STAT4: variants seen among roughly 807,000 people sequenced by gnomAD.
STAT4 encodes the protein signal transducer and activator of transcription 4.
In STAT4, 42 loss-of-function variants were observed where a neutral mutation model predicts 110.5. That is an observed-to-expected ratio of 0.38 (90% CI 0.30 to 0.49). The LOEUF (loss-of-function observed/expected upper bound fraction) is 0.49. Among genes scored for constraint, STAT4 ranks in the 20% least tolerant of loss-of-function variants. The pLI, the probability that STAT4 is intolerant of heterozygous loss-of-function variation, is 0.95. For missense variants in STAT4, 632 were observed against 887.9 expected (o/e 0.71, Z 3.66); for synonymous variants, 284 against 302.2 (o/e 0.94, Z 0.63).
intron 3 of STAT4, chr2:191,131,883 T>C (rs910778330): frequency 2.1e-6 from 3 of 1,448,966 alleles, no homozygotes; most frequent in Non-Finnish European, 2.7e-6. Flanking sequence ...GCAGCTGTGC[T>C]GTAGCCAACC....
In STAT4 at chr2:191,110,147, C is replaced by A. The variant is rs918617477; in HGVS notation, c.274-33822G>T. Among the ~76,000 whole-genome samples the A allele has an allele frequency of 7.2e-5, 11 of 152,142 alleles. No individual in the cohort carries two copies. Among genetic ancestry groups the A allele is most frequent in the African/African-American group, 2.7e-4 (11 of 41,420 alleles). ...ACTTGAGGAAACACTACTTCATGTC[C>A]CTATGGAAACATGACCACAAAACCA... On this transcript the variant is annotated intron_variant, in intron 3 of 23. Transcript: ENST00000392320. The surrounding 1 kb of genome is among the most constrained non-coding windows in gnomAD (Gnocchi z 4.5).
At chr2:191,036,409 T>C in intron 16 of STAT4, 110 bp from the exon 17 acceptor site, 1 of 1,158,358 alleles carries the variant, frequency 8.6e-7, no homozygotes, top group Admixed American at 2.3e-5. Flanking sequence ...ATACTAGGAG[T>C]GTTGGGTGAC....
At chr2:191,131,062 C>T (rs892361980) in intron 3 of STAT4, among the ~76,000 whole-genome samples, 1 of 151,560 alleles carries the variant, frequency 6.6e-6, no homozygotes, top group Non-Finnish European at 1.5e-5. Flanking sequence ...TGATCCATGA[C>T]CATAACAAGT....
At position 191,146,894 on chromosome 2, in the gene STAT4, C is replaced by T. The variant is rs920115658; in HGVS notation, c.129-137G>A. On this transcript the variant is annotated intron_variant, in intron 2 of 23. Transcript: ENST00000392320. The surrounding 1 kb of genome is among the most constrained non-coding windows in gnomAD (Gnocchi z 4.5). ...AAGTTTTAAAAAATTAAATTGTTAA[C>T]ATGAAGAGATGCTCAACATCACTAA... 10 of 806,554 alleles carry T rather than the reference C, an allele frequency of 1.2e-5. No individual in the cohort carries two copies. The African/African-American group carries it at 1.6e-4, about 13-fold the overall frequency. The allele number at this position is 806,554 out of a possible 1,614,324, so 50.0% of individuals were successfully genotyped here. A position where few individuals can be genotyped will look rare whatever the true frequency, so the allele number is the denominator to read the frequency against.
chr2:191,038,630 A>G (rs16833208), intron 16 of STAT4, among the ~76,000 whole-genome samples: 2,230 of 152,252 alleles, frequency 0.015, 34 homozygotes, highest in Middle Eastern at 0.034. Context: ...TATAAGAAGA[A>G]CACCTATTCA....
rs745750008 is a variant in STAT4 at position 191,031,563 on chromosome 2, A to G, written c.2045-47T>C. On this transcript the variant is annotated intron_variant, in intron 21 of 23. Coordinates refer to ENST00000392320, the MANE Select transcript of STAT4 (RefSeq NM_003151.4). The surrounding 1 kb of genome is among the most constrained non-coding windows in gnomAD (Gnocchi z 4.8). ...TGTTGGGGAAAAAAATGTCAATATT[A>G]TCAATAAAACTGGGGAAAAAAGAGT... The G allele has an allele frequency of 2.0e-6, 3 of 1,522,862 alleles. No individual in the cohort carries two copies. The highest frequency in any genetic ancestry group is 2.7e-6 in the Non-Finnish European group (3 of 1,104,162). 94.3% of individuals were successfully genotyped at this position (1,522,862 alleles called of 1,614,324 possible).
chr2:191,045,387 G>C (rs1200147189), intron 14 of STAT4, among the ~76,000 whole-genome samples: 1 of 152,156 alleles, frequency 6.6e-6, no homozygotes, highest in African/African-American at 2.4e-5. Context: ...GGTGGAATTT[G>C]GGAGGAATTA....
At chr2:191,131,795 A>G in intron 3 of STAT4, 1 of 1,354,772 alleles carries the variant, frequency 7.4e-7, no homozygotes, top group South Asian at 2.0e-5. Context: ...TATCATCTGA[A>G]TGTCCCAGGT....
At chr2:191,094,123 T>C (rs933402326) in intron 3 of STAT4, among the ~76,000 whole-genome samples, 2 of 152,162 alleles carry the variant, frequency 1.3e-5, no homozygotes, top group African/African-American at 4.8e-5. Flanking sequence ...TTGGTGTGCC[T>C]GAAAGTGACA....
At chr2:191,109,836 C>T (rs192291778) in intron 3 of STAT4, among the ~76,000 whole-genome samples, 1 of 152,306 alleles carries the variant, frequency 6.6e-6, no homozygotes, top group East Asian at 1.9e-4. Flanking sequence ...CACTTCAAGT[C>T]TCCAAGGGTC....
At position 191,144,294 on chromosome 2, in the gene STAT4, T is replaced by C. The variant is rs1226242385; in HGVS notation, c.273+2319A>G. 6.6e-6 allele frequency among the ~76,000 whole-genome samples: 1 copy of C among 152,098 alleles called. No homozygotes were observed. Among genetic ancestry groups the C allele is most frequent in the Non-Finnish European group, 1.5e-5 (1 of 68,016 alleles). On this transcript the variant is annotated intron_variant, in intron 3 of 23. Transcript: ENST00000392320. This position sits in a 1 kb window ranked among gnomAD's most constrained non-coding sequence, Gnocchi z 4.7. ...GAGGATGAGAACACAGACTAAAGCA[T>C]GTGGTGAAGGTTTTCTTGTTGCACT...
rs1027380279 is a variant in STAT4, at chr2:191,043,775, GCAA to G, written c.1252-2630_1252-2628del. Among the ~76,000 whole-genome samples, 120 of 152,254 alleles carry G rather than the reference GCAA, an allele frequency of 7.9e-4. No homozygotes were observed. Among genetic ancestry groups the G allele is most frequent in the African/African-American group, 2.4e-3 (101 of 41,540 alleles). On this transcript the variant is annotated intron_variant, in intron 14 of 23. Transcript: ENST00000392320. The surrounding 1 kb of genome is among the most constrained non-coding windows in gnomAD (Gnocchi z 4.8). Reference sequence around the variant, plus strand: ...ACAGCGTTGGAATAAATGATCCACAGCAACATGAATCAACGTAGGAATGAGTCT... The same window carrying G: ...ACAGCGTTGGAATAAATGATCCACAGCATGAATCAACGTAGGAATGAGTCT...
chr2:191,050,035 C>T lies in STAT4; in HGVS notation c.1251+4455G>A, dbSNP rs368476973. Among the ~76,000 whole-genome samples, 15 of 152,258 alleles carry T rather than the reference C, an allele frequency of 9.9e-5. No individual in the cohort carries two copies. Among genetic ancestry groups the T allele is most frequent in the East Asian group, 3.9e-4 (2 of 5,188 alleles). Reference sequence around the variant, plus strand: ...TTTGGCTATTTTGTTAAATGAAACTCAAGTCACCCAGGCTTTACTAATAGC... The same window carrying T: ...TTTGGCTATTTTGTTAAATGAAACTTAAGTCACCCAGGCTTTACTAATAGC... On this transcript the variant is annotated intron_variant, in intron 14 of 23. Coordinates refer to ENST00000392320, the MANE Select transcript of STAT4 (RefSeq NM_003151.4). This position sits in a 1 kb window ranked among gnomAD's most constrained non-coding sequence, Gnocchi z 4.3.
At position 191,031,486 on chromosome 2, in the gene STAT4, C is replaced by T; in HGVS notation, c.2075G>A (p.Gly692Asp). The change falls in exon 22 of 24, where the codon GGT becomes GAT. Residue 692 changes from glycine to aspartate, a missense_variant. Physicochemically the swap from Gly to Asp is moderately conservative, Grantham distance 94. This residue lies in a region of STAT4 where 38 missense variants were observed against 33.2 expected (regional missense o/e 1.15). Transcript: ENST00000392320. This position sits in a 1 kb window ranked among gnomAD's most constrained non-coding sequence, Gnocchi z 4.8. ...VSRPTERGDKGYVPSVFIPIS... is the reference protein window; with the variant it reads ...VSRPTERGDKDYVPSVFIPIS... ...GGGGATAAAAACAGAAGGAACATAA[C>T]CTTTGTCACCCCTTTCTGTTGGTCT... The T allele has an allele frequency of 6.2e-7, 1 of 1,613,312 alleles. No individual in the cohort carries two copies. The highest frequency in any genetic ancestry group is 8.5e-7 in the Non-Finnish European group (1 of 1,179,620).
rs571409608 is a variant in STAT4, at chr2:191,046,412, G to A, written c.1252-5264C>T. 2.0e-5 allele frequency among the ~76,000 whole-genome samples: 3 copies of A among 152,202 alleles called. No individual in the cohort carries two copies. Among genetic ancestry groups the A allele is most frequent in the South Asian group, 4.1e-4 (2 of 4,824 alleles). On this transcript the variant is annotated intron_variant, in intron 14 of 23. Coordinates refer to ENST00000392320, the MANE Select transcript of STAT4 (RefSeq NM_003151.4). The surrounding 1 kb of genome is among the most constrained non-coding windows in gnomAD (Gnocchi z 4.6). ...TGCTTCTACCTCTGTGAAGGGCCTC[G>A]CATGACCAGTGTGGCCTCTAGGTCT...
In STAT4 at chr2:191,083,971, T is replaced by C. The variant is rs914298094; in HGVS notation, c.274-7646A>G. On this transcript the variant is annotated intron_variant, in intron 3 of 23. Coordinates refer to ENST00000392320, the MANE Select transcript of STAT4 (RefSeq NM_003151.4). This position sits in a 1 kb window ranked among gnomAD's most constrained non-coding sequence, Gnocchi z 4.6. ...CGTCTTTGATAGGTGTTTTAAGATA[T>C]AGAACTTTGTGGCTGGGTGTGGTGG... 1.3e-5 allele frequency among the ~76,000 whole-genome samples: 2 copies of C among 152,166 alleles called. No individual in the cohort carries two copies. Among genetic ancestry groups the C allele is most frequent in the African/African-American group, 2.4e-5 (1 of 41,440 alleles).
intron 3 of STAT4, among the ~76,000 whole-genome samples, chr2:191,129,112 A>G (rs892804051): frequency 1.3e-5 from 2 of 152,234 alleles, no homozygotes; most frequent in Non-Finnish European, 2.9e-5. Flanking sequence ...TGCTGACTAA[A>G]TAAAATTTGC....
At position 191,033,428 on chromosome 2, in the gene STAT4, A is replaced by C. The variant is rs927495263; in HGVS notation, c.1852+62T>G. On this transcript the variant is annotated intron_variant, in intron 20 of 23. Coordinates refer to ENST00000392320, the MANE Select transcript of STAT4 (RefSeq NM_003151.4). The surrounding 1 kb of genome is among the most constrained non-coding windows in gnomAD (Gnocchi z 6.9). ...CACACCATACACTTCCAAAAACTGA[A>C]ATCCCAGTAACCAAATTTAAGAAAA... 1 of 1,544,822 alleles carries C rather than the reference A, an allele frequency of 6.5e-7. No homozygotes were observed.
At chr2:191,111,713 T>C (rs1281722348) in intron 3 of STAT4, among the ~76,000 whole-genome samples, 1 of 152,012 alleles carries the variant, frequency 6.6e-6, no homozygotes, top group African/African-American at 2.4e-5. Flanking sequence ...AAATAAAAAA[T>C]TAACCAGGAA....
Sources: allele counts gnomAD v4.1 joint callset (sites outside exome capture counted in the v4.1 genomes callset), GRCh38; gene constraint gnomAD v4.1.1; regional missense constraint gnomAD v4.1.1; non-coding constraint Gnocchi (gnomAD v3.1); transcripts MANE v1.5; gene names NCBI Gene and HGNC (gene_info 2026-07-23, HGNC 2026-07-21).